RFX3: variants seen among roughly 807,000 people sequenced by gnomAD.
RFX3 encodes the protein regulatory factor X3, also known as transcription factor RFX3.
In RFX3, 14 loss-of-function variants were observed where a neutral mutation model predicts 98.6. The observed-to-expected ratio is 0.14, with a 90% confidence interval of 0.09 to 0.22. The LOEUF is 0.22. Among genes scored for constraint, RFX3 ranks in the 10% least tolerant of loss-of-function variants. The pLI, the probability that RFX3 is intolerant of heterozygous loss-of-function variation, is 1.00. For missense variants in RFX3, 639 were observed against 926.9 expected (o/e 0.69, Z 4.03); for synonymous variants, 383 against 328.4 (o/e 1.17, Z -1.80).
chr9:3,365,645 T>A (rs1339262790), intron 2 of RFX3, among the ~76,000 whole-genome samples: 1 of 152,200 alleles, frequency 6.6e-6, no homozygotes, highest in Non-Finnish European at 1.5e-5. Flanking sequence ...TGCATTTTAC[T>A]GATCCCAGTA....
At chr9:3,296,383 G>A (rs548244522) in intron 5 of RFX3, among the ~76,000 whole-genome samples, 1 of 151,876 alleles carries the variant, frequency 6.6e-6, no homozygotes, top group South Asian at 2.1e-4. Flanking sequence ...GCTTTTACTC[G>A]ATTGGCTATG....
At chr9:3,293,511 C>G (rs1205612757) in intron 5 of RFX3, among the ~76,000 whole-genome samples, 1 of 152,154 alleles carries the variant, frequency 6.6e-6, no homozygotes, top group Non-Finnish European at 1.5e-5. Context: ...TAGAGACATA[C>G]TAATTTTCCC....
chr9:3,277,965 C>T (rs923972575), intron 7 of RFX3, among the ~76,000 whole-genome samples: 2 of 151,928 alleles, frequency 1.3e-5, no homozygotes, highest in Admixed American at 6.6e-5. Flanking sequence ...TGCATCTCAA[C>T]ACATTTATCT....
intron 1 of RFX3, among the ~76,000 whole-genome samples, chr9:3,442,865 T>C (rs778962222): frequency 6.6e-6 from 1 of 152,114 alleles, no homozygotes. Flanking sequence ...GCACAATCCA[T>C]AAAAGATAAA....
chr9:3,306,642 C>G (rs990363198), intron 4 of RFX3, among the ~76,000 whole-genome samples: 2 of 150,954 alleles, frequency 1.3e-5, no homozygotes, highest in Non-Finnish European at 3.0e-5. Context: ...GGAGACATAC[C>G]TAATGCTAAA....
chr9:3,409,274 A>T (rs1842255254), intron 1 of RFX3, among the ~76,000 whole-genome samples: 2 of 152,216 alleles, frequency 1.3e-5, no homozygotes, highest in African/African-American at 4.8e-5. Context: ...TATCCACTTA[A>T]GTACATTGTA....
chr9:3,314,049 C>A (rs1186291252), intron 4 of RFX3, among the ~76,000 whole-genome samples: 1 of 152,076 alleles, frequency 6.6e-6, no homozygotes, highest in Non-Finnish European at 1.5e-5. Flanking sequence ...TCGAGAAGAA[C>A]AACTCCAAGA....
intron 2 of RFX3, among the ~76,000 whole-genome samples, chr9:3,356,773 T>TCCTG (rs1835820545): frequency 6.6e-6 from 1 of 151,788 alleles, no homozygotes. Flanking sequence ...TACAGGACAA[T>TCCTG]AAATCATAAT....
intron 1 of RFX3, among the ~76,000 whole-genome samples, chr9:3,512,632 CATACA>C (rs1465821833): frequency 1.3e-5 from 2 of 151,924 alleles, no homozygotes; most frequent in African/African-American, 4.8e-5. Flanking sequence ...AGTCAAACCT[CATACA>C]ATACTAGTCA....
At chr9:3,237,887 CGCCTGA>C (rs2130809315) in intron 15 of RFX3, among the ~76,000 whole-genome samples, 1 of 151,938 alleles carries the variant, frequency 6.6e-6, no homozygotes, top group South Asian at 2.1e-4. Context: ...CACTATCCCA[CGCCTGA>C]GCCCATGAGG....
At chr9:3,266,338 A>G (rs781257512) in intron 11 of RFX3, 33 bp from the exon 12 acceptor site, 1 of 1,354,282 alleles carries the variant, frequency 7.4e-7, no homozygotes, top group East Asian at 2.3e-5. Flanking sequence ...AGGATAAAAA[A>G]AAGTATGAAA....
chr9:3,335,202 G>A (rs1833026728), intron 3 of RFX3, among the ~76,000 whole-genome samples: 1 of 152,052 alleles, frequency 6.6e-6, no homozygotes. Flanking sequence ...GAACCCACTT[G>A]TTCGAGTCCC....
At chr9:3,327,167 A>T (rs1379118490) in intron 4 of RFX3, among the ~76,000 whole-genome samples, 2 of 152,080 alleles carry the variant, frequency 1.3e-5, no homozygotes, top group Non-Finnish European at 2.9e-5. Flanking sequence ...CATAAACTCA[A>T]TTAAATCCCA....
chr9:3,428,646 G>A (rs1035404013), intron 1 of RFX3, among the ~76,000 whole-genome samples: 2 of 151,980 alleles, frequency 1.3e-5, no homozygotes, highest in Non-Finnish European at 2.9e-5. Flanking sequence ...CCCAATTTTT[G>A]AAGTTAGTCT....
chr9:3,244,349 C>T (rs1433817614), intron 15 of RFX3, among the ~76,000 whole-genome samples: 1 of 152,146 alleles, frequency 6.6e-6, no homozygotes, highest in African/African-American at 2.4e-5. Context: ...ATAGTATCCA[C>T]TTATAGATCT....
intron 1 of RFX3, among the ~76,000 whole-genome samples, chr9:3,417,202 A>T (rs1843058948): frequency 6.6e-6 from 1 of 152,076 alleles, no homozygotes; most frequent in Admixed American, 6.5e-5. Context: ...ATATACATAA[A>T]ACGAAACCTA....
intron 12 of RFX3, among the ~76,000 whole-genome samples, chr9:3,265,803 A>T (rs1404296771): frequency 6.6e-6 from 1 of 152,174 alleles, no homozygotes; most frequent in East Asian, 1.9e-4. Flanking sequence ...AGGATATGAT[A>T]AGTATAGCAG....
chr9:3,493,897 T>C (rs1289921834), intron 1 of RFX3, among the ~76,000 whole-genome samples: 1 of 151,746 alleles, frequency 6.6e-6, no homozygotes, highest in Non-Finnish European at 1.5e-5. Context: ...AACCTCTTCC[T>C]CACAGCCAAT....
intron 2 of RFX3, among the ~76,000 whole-genome samples, chr9:3,354,374 C>G (rs973561829): frequency 6.6e-6 from 1 of 151,854 alleles, no homozygotes; most frequent in African/African-American, 2.4e-5. Flanking sequence ...AAGACCCCAT[C>G]TCTACCAAAA....
Sources: gnomAD v4.1 joint callset for allele counts (sites outside exome capture counted in the v4.1 genomes callset) on GRCh38, gnomAD v4.1.1 for gene constraint, MANE v1.5 for transcripts, NCBI Gene and HGNC (gene_info 2026-07-23, HGNC 2026-07-21) for gene names.